Variants in CUL2 observed in about 807,000 individuals in gnomAD.
CUL2 encodes cullin-2.
CUL2 carries 22 observed loss-of-function variants against 110.2 expected under a neutral mutation model. The ratio of observed to expected loss-of-function variants is 0.20; its 90% CI spans 0.14 to 0.28. CUL2 has a LOEUF of 0.28. Ranked by LOEUF, CUL2 falls within the 10% of genes least tolerant of loss-of-function variation. The pLI, the probability that CUL2 is intolerant of heterozygous loss-of-function variation, is 1.00. For missense variants in CUL2, 631 were observed against 905.5 expected (o/e 0.70, Z 3.89); for synonymous variants, 279 against 293.2 (o/e 0.95, Z 0.49).
At chr10:35,077,655 T>A (rs1332422400) in intron 1 of CUL2, among the ~76,000 whole-genome samples, 2 of 149,454 alleles carry the variant, frequency 1.3e-5, no homozygotes, top group African/African-American at 4.9e-5. Flanking sequence ...CGGTCTCTAC[T>A]AAAAATACAA....
chr10:35,073,795 G>C (rs368549649), intron 1 of CUL2, among the ~76,000 whole-genome samples: 6 of 151,844 alleles, frequency 4.0e-5, no homozygotes, highest in East Asian at 1.9e-4. Flanking sequence ...GTAGAGACAG[G>C]GTTTTTCACC....
chr10:35,071,704 G>A (rs190128296), intron 1 of CUL2, among the ~76,000 whole-genome samples: 23 of 152,228 alleles, frequency 1.5e-4, no homozygotes, highest in Admixed American at 7.2e-4. Flanking sequence ...CATCACACCC[G>A]GCCAGTTATT....
At chr10:35,118,361 TC>T (rs1418058227) in intron 1 of CUL2, 1 of 152,244 alleles carries the variant, frequency 6.6e-6, no homozygotes, top group Admixed American at 6.5e-5. Flanking sequence ...GCTTCTACCT[TC>T]CACATTTCTT....
chr10:35,041,139 T>C (rs2085776309), intron 8 of CUL2, among the ~76,000 whole-genome samples: 1 of 152,232 alleles, frequency 6.6e-6, no homozygotes, highest in African/African-American at 2.4e-5. Context: ...CAATAAATCC[T>C]TTAAGGGCTA....
chr10:35,106,320 GT>G (rs1161389212), intron 1 of CUL2, among the ~76,000 whole-genome samples: 8 of 149,778 alleles, frequency 5.3e-5, no homozygotes, highest in African/African-American at 1.2e-4. Context: ...TTTTTTGTGG[GT>G]TTTTTTTTGT....
At chr10:35,079,151 T>C (rs1174570324) in intron 1 of CUL2, among the ~76,000 whole-genome samples, 1 of 152,182 alleles carries the variant, frequency 6.6e-6, no homozygotes, top group Non-Finnish European at 1.5e-5. Flanking sequence ...CAGTAAGAGA[T>C]TAACAAAAAC....
At chr10:35,037,482 C>T (rs2085652166) in intron 9 of CUL2, among the ~76,000 whole-genome samples, 1 of 152,278 alleles carries the variant, frequency 6.6e-6, no homozygotes, top group African/African-American at 2.4e-5. Flanking sequence ...AAGACAGTGA[C>T]TTTCGGAATT....
chr10:35,109,321 A>C (rs1346412898), intron 1 of CUL2, among the ~76,000 whole-genome samples: 1 of 152,216 alleles, frequency 6.6e-6, no homozygotes, highest in African/African-American at 2.4e-5. Flanking sequence ...TGCATCCATC[A>C]ATCTTTCATT....
At chr10:35,025,707 T>C (rs1028342877) in intron 16 of CUL2, among the ~76,000 whole-genome samples, 1 of 152,200 alleles carries the variant, frequency 6.6e-6, no homozygotes, top group Non-Finnish European at 1.5e-5. Context: ...TTAAATTCTA[T>C]TAATGTAGCC....
At chr10:35,063,088 A>G (rs752569322) in intron 2 of CUL2, 26 bp from the exon 3 acceptor site, 5 of 1,253,104 alleles carry the variant, frequency 4.0e-6, no homozygotes, top group South Asian at 1.3e-5. Flanking sequence ...AGGTTTTCAT[A>G]TTTATTGGAG....
chr10:35,069,518 G>GT (rs1164879854), intron 2 of CUL2, among the ~76,000 whole-genome samples: 1 of 151,642 alleles, frequency 6.6e-6, no homozygotes, highest in Non-Finnish European at 1.5e-5. Flanking sequence ...TCCAGCCTGG[G>GT]TGACAAAGTG....
chr10:35,066,093 T>C (rs1393067905), intron 2 of CUL2, among the ~76,000 whole-genome samples: 1 of 152,200 alleles, frequency 6.6e-6, no homozygotes, highest in African/African-American at 2.4e-5. Context: ...TTTTATTTCA[T>C]GTTCTCTATT....
intron 20 of CUL2, 84 bp from the exon 21 acceptor site, chr10:35,010,526 TCAAATGTACTGAGG>T: frequency 1.5e-6 from 2 of 1,345,116 alleles, no homozygotes; most frequent in Non-Finnish European, 9.9e-7. Flanking sequence ...TTAAAGTGCC[TCAAATGTACTGAGG>T]TTTCAACAAA....
At chr10:35,067,259 C>T (rs2086556347) in intron 2 of CUL2, among the ~76,000 whole-genome samples, 1 of 152,094 alleles carries the variant, frequency 6.6e-6, no homozygotes, top group Non-Finnish European at 1.5e-5. Flanking sequence ...TTAAGTCTCC[C>T]CTAACAATCA....
At chr10:35,085,353 C>T (rs1261942785) in intron 1 of CUL2, among the ~76,000 whole-genome samples, 1 of 148,798 alleles carries the variant, frequency 6.7e-6, no homozygotes, top group Non-Finnish European at 1.5e-5. Context: ...TGGCGTAGAC[C>T]CAGGAGGCAG....
At chr10:35,098,225 T>A (rs1390959017) in intron 2 of CUL2, 1 of 152,148 alleles carries the variant, frequency 6.6e-6, no homozygotes. Flanking sequence ...GGTAATTTAA[T>A]AAGCTAAAAG....
At chr10:35,100,351 TACTC>T (rs2087359629) in intron 2 of CUL2, among the ~76,000 whole-genome samples, 1 of 152,204 alleles carries the variant, frequency 6.6e-6, no homozygotes, top group African/African-American at 2.4e-5. Context: ...TGTAACAAGT[TACTC>T]ACTTGAAGAC....
intron 10 of CUL2, 37 bp downstream of exon 10, chr10:35,035,135 T>C: frequency 6.2e-7 from 1 of 1,613,160 alleles, no homozygotes; most frequent in Non-Finnish European, 8.5e-7. Context: ...CTGGATCTGA[T>C]TAGGAGGAAA....
intron 1 of CUL2, among the ~76,000 whole-genome samples, chr10:35,123,132 G>C (rs530204868): frequency 6.8e-6 from 1 of 147,492 alleles, no homozygotes; most frequent in Admixed American, 7.0e-5. Flanking sequence ...AGTGAGATCC[G>C]ATCTACAAAC....
Sources: gnomAD v4.1 joint callset for allele counts (sites outside exome capture counted in the v4.1 genomes callset) on GRCh38, gnomAD v4.1.1 for gene constraint, MANE v1.5 for transcripts, NCBI Gene and HGNC (gene_info 2026-07-23, HGNC 2026-07-21) for gene names.